The following SH3RF3 variants were observed in gnomAD, a reference collection of about 807,000 sequenced individuals.
SH3RF3 encodes the protein E3 ubiquitin-protein ligase SH3RF3.
In SH3RF3, 29 loss-of-function variants were observed where a neutral mutation model predicts 66.3. The observed-to-expected ratio is 0.44, with a 90% CI of 0.33 to 0.60. SH3RF3 has a LOEUF of 0.60. Among genes scored for constraint, SH3RF3 ranks in the 20% least tolerant of loss-of-function variants. The pLI, the probability that SH3RF3 is intolerant of heterozygous loss-of-function variation, is 0.04. For synonymous variants in SH3RF3, 583 were observed against 532.0 expected (o/e 1.10, Z -1.32); for missense variants, 1,194 against 1,190.9 (o/e 1.00, Z -0.04).
At chr2:109,145,699 G>A (rs1574473143) in intron 1 of SH3RF3, among the ~76,000 whole-genome samples, 1 of 152,128 alleles carries the variant, frequency 6.6e-6, no homozygotes, top group Non-Finnish European at 1.5e-5. Flanking sequence ...ACAGGTCTTG[G>A]GTGTTCTCAC....
chr2:109,234,891 CAA>C (rs1679608372), intron 1 of SH3RF3, among the ~76,000 whole-genome samples: 1 of 152,200 alleles, frequency 6.6e-6, no homozygotes, highest in African/African-American at 2.4e-5. Context: ...GGATTCAGGG[CAA>C]ACTAGTTTGT....
intron 2 of SH3RF3, among the ~76,000 whole-genome samples, chr2:109,364,804 A>T (rs968368377): frequency 1.3e-5 from 2 of 152,150 alleles, no homozygotes; most frequent in Non-Finnish European, 2.9e-5. Context: ...TAAAACCCCA[A>T]TGGGGGCCAG....
At chr2:109,396,400 T>A (rs1011822038) in intron 3 of SH3RF3, among the ~76,000 whole-genome samples, 1 of 152,140 alleles carries the variant, frequency 6.6e-6, no homozygotes, top group Non-Finnish European at 1.5e-5. Context: ...AGGCAGATAT[T>A]CGTAGTGGAA....
At chr2:109,354,810 C>T (rs934824618) in intron 2 of SH3RF3, among the ~76,000 whole-genome samples, 1 of 152,234 alleles carries the variant, frequency 6.6e-6, no homozygotes, top group Non-Finnish European at 1.5e-5. Flanking sequence ...AGTGAAAACA[C>T]AGACTTTGGA....
At chr2:109,184,572 A>G (rs1242141079) in intron 1 of SH3RF3, among the ~76,000 whole-genome samples, 1 of 152,146 alleles carries the variant, frequency 6.6e-6, no homozygotes, top group Non-Finnish European at 1.5e-5. Context: ...CCTCTGATCC[A>G]GGTTGTTGGC....
At chr2:109,240,310 A>G (rs2105216889) in intron 1 of SH3RF3, among the ~76,000 whole-genome samples, 1 of 152,122 alleles carries the variant, frequency 6.6e-6, no homozygotes, top group South Asian at 2.1e-4. Flanking sequence ...CATGGTTGAA[A>G]CCTCATCTTT....
At chr2:109,294,477 C>G (rs1681259596) in intron 1 of SH3RF3, among the ~76,000 whole-genome samples, 1 of 151,436 alleles carries the variant, frequency 6.6e-6, no homozygotes. Flanking sequence ...ACAAGAATCA[C>G]CTGAACCCAG....
At chr2:109,473,283 C>A (rs1227225133) in intron 8 of SH3RF3, among the ~76,000 whole-genome samples, 2 of 152,194 alleles carry the variant, frequency 1.3e-5, no homozygotes, top group Non-Finnish European at 2.9e-5. Flanking sequence ...TGGGGTTGGG[C>A]CCTGCAGAGC....
intron 1 of SH3RF3, among the ~76,000 whole-genome samples, chr2:109,199,130 C>T (rs889680926): frequency 1.3e-4 from 19 of 151,666 alleles, no homozygotes; most frequent in Non-Finnish European, 2.2e-4. Context: ...GAGGCTGAGG[C>T]GGGTGGATCA....
chr2:109,135,934 T>A (rs1030827014), intron 1 of SH3RF3, among the ~76,000 whole-genome samples: 19 of 152,298 alleles, frequency 1.2e-4, no homozygotes, highest in Admixed American at 1.2e-3. Flanking sequence ...ATAATCCTGC[T>A]CAGTTGCTGA....
chr2:109,154,509 G>T (rs1677293601), intron 1 of SH3RF3, among the ~76,000 whole-genome samples: 1 of 152,324 alleles, frequency 6.6e-6, no homozygotes, highest in South Asian at 2.1e-4. Flanking sequence ...TCCTCAGCTG[G>T]CTTGAATTCT....
At chr2:109,489,254 G>A (rs796230751) in intron 8 of SH3RF3, among the ~76,000 whole-genome samples, 8 of 152,378 alleles carry the variant, frequency 5.3e-5, no homozygotes, top group African/African-American at 1.9e-4. Context: ...GGGTGATGGG[G>A]ATGGTCCCTT....
At chr2:109,489,770 C>T (rs990890664) in intron 8 of SH3RF3, among the ~76,000 whole-genome samples, 1 of 151,986 alleles carries the variant, frequency 6.6e-6, no homozygotes, top group South Asian at 2.1e-4. Flanking sequence ...CGGAGTCTCG[C>T]TCTGTCACCC....
At chr2:109,191,600 CCT>C (rs1272836412) in intron 1 of SH3RF3, among the ~76,000 whole-genome samples, 57 of 152,310 alleles carry the variant, frequency 3.7e-4, no homozygotes, top group Middle Eastern at 3.4e-3. Flanking sequence ...CATTTCCCAC[CCT>C]TTCACATGAA....
intron 1 of SH3RF3, among the ~76,000 whole-genome samples, chr2:109,226,487 C>T (rs1299741675): frequency 6.6e-6 from 1 of 152,220 alleles, no homozygotes; most frequent in Non-Finnish European, 1.5e-5. Context: ...CCTCTTAAGA[C>T]ATAAACCAAA....
chr2:109,282,270 G>A (rs1680914138), intron 1 of SH3RF3, among the ~76,000 whole-genome samples: 1 of 152,128 alleles, frequency 6.6e-6, no homozygotes, highest in South Asian at 2.1e-4. Context: ...TGAGAAATGA[G>A]TGTAGATCAG....
intron 3 of SH3RF3, among the ~76,000 whole-genome samples, chr2:109,374,669 C>G (rs1468531209): frequency 2.0e-5 from 3 of 152,230 alleles, no homozygotes; most frequent in African/African-American, 7.2e-5. Flanking sequence ...GACCCGTCAC[C>G]TCACACTAAG....
intron 1 of SH3RF3, among the ~76,000 whole-genome samples, chr2:109,215,880 G>A (rs1199615424): frequency 2.6e-5 from 4 of 152,158 alleles, no homozygotes; most frequent in African/African-American, 9.7e-5. Context: ...CCGAGGAACC[G>A]GCATACAGAG....
chr2:109,241,624 G>A (rs1558976483), intron 1 of SH3RF3, among the ~76,000 whole-genome samples: 1 of 152,050 alleles, frequency 6.6e-6, no homozygotes, highest in South Asian at 2.1e-4. Context: ...TGCTGGGAGG[G>A]CCCCTGGGAC....
Sources: gnomAD v4.1 joint callset for allele counts (sites outside exome capture counted in the v4.1 genomes callset) on GRCh38, gnomAD v4.1.1 for gene constraint, MANE v1.5 for transcripts, NCBI Gene and HGNC (gene_info 2026-07-23, HGNC 2026-07-21) for gene names.